The following VPS13C variants were observed in gnomAD, a reference collection of about 807,000 sequenced individuals.
VPS13C encodes vacuolar protein sorting 13 homolog C.
In VPS13C, 358 loss-of-function variants were observed where a neutral mutation model predicts 456.8. That is an observed-to-expected ratio of 0.78 (90% CI 0.72 to 0.86). The LOEUF (loss-of-function observed/expected upper bound fraction) is 0.86, where lower values mean the gene tolerates loss of function less well. Among genes scored for constraint, VPS13C ranks in the 40% least tolerant of loss-of-function variants. VPS13C has a pLI of 0.00. For synonymous variants in VPS13C, 1,578 were observed against 1,486.7 expected (o/e 1.06, Z -1.41); for missense variants, 4,818 against 4,385.4 (o/e 1.10, Z -2.79).
At chr15:61,872,866 G>A (rs1596276566) in intron 78 of VPS13C, among the ~76,000 whole-genome samples, 1 of 152,024 alleles carries the variant, frequency 6.6e-6, no homozygotes, top group East Asian at 1.9e-4. Flanking sequence ...AAAAAGTAAT[G>A]AAAGGCAGTT....
chr15:62,033,397 T>TA, intron 5 of VPS13C, 44 bp downstream of exon 5: 1 of 1,310,834 alleles, frequency 7.6e-7, no homozygotes, highest in African/African-American at 1.5e-5. Context: ...TAATTATATC[T>TA]AAAATATAGG....
intron 47 of VPS13C, among the ~76,000 whole-genome samples, chr15:61,937,514 G>A (rs1011652170): frequency 4.0e-5 from 6 of 151,866 alleles, no homozygotes; most frequent in Non-Finnish European, 5.9e-5. Context: ...TCGCTCTGTC[G>A]CCCAGGCTAG....
chr15:62,048,687 C>A (rs1232418114), intron 1 of VPS13C, among the ~76,000 whole-genome samples: 11 of 152,150 alleles, frequency 7.2e-5, no homozygotes, highest in Non-Finnish European at 1.5e-4. Flanking sequence ...ACACTGTCTT[C>A]CACAATGGTT....
chr15:61,884,081 C>T (rs540130711), intron 68 of VPS13C, 47 bp downstream of exon 68: 1 of 1,527,330 alleles, frequency 6.5e-7, no homozygotes, highest in Non-Finnish European at 8.7e-7. Flanking sequence ...CTACCACCAC[C>T]AAGAAAATAC....
In VPS13C at chr15:61,864,644, G is replaced by A. The variant is rs938534346; in HGVS notation, c.10864-1116C>T. On this transcript the variant is annotated intron_variant, in intron 81 of 84. Transcript: ENST00000644861. ...ATTTTTTAAAGTTGCTTGGTACCTAGTCATTCCTTGACAATTGCAAAAAGC... is the reference window on the plus strand; with the variant it reads ...ATTTTTTAAAGTTGCTTGGTACCTAATCATTCCTTGACAATTGCAAAAAGC... 6.1e-6 allele frequency: 6 copies of A among 985,242 alleles called. No homozygotes were observed. The African/African-American group carries it at 8.7e-5, about 14-fold the overall frequency. 61.0% of individuals were successfully genotyped at this position (985,242 alleles called of 1,614,324 possible).
At chr15:61,914,000 T>A (rs1344969496) in intron 61 of VPS13C, among the ~76,000 whole-genome samples, 2 of 152,180 alleles carry the variant, frequency 1.3e-5, no homozygotes, top group African/African-American at 4.8e-5. Context: ...GATAAATAGT[T>A]TACTTCTGGT....
At position 62,014,012 on chromosome 15, in the gene VPS13C, A is replaced by G. The variant is rs750990886; in HGVS notation, c.685-20T>C. ...TGCAGTCTAAAAGAAAAAAGGGAATACCTGTGAAACGTGGTATGGATGTCA... is the reference window on the plus strand; with the variant it reads ...TGCAGTCTAAAAGAAAAAAGGGAATGCCTGTGAAACGTGGTATGGATGTCA... On this transcript the variant is annotated intron_variant, in intron 9 of 84. Coordinates refer to ENST00000644861, the MANE Select transcript of VPS13C (RefSeq NM_020821.3). 4 of 1,596,536 alleles carry G rather than the reference A, an allele frequency of 2.5e-6. No homozygotes were observed. The East Asian group carries it at 8.9e-5, about 36-fold the overall frequency.
At chr15:62,048,023 C>G (rs1368853236) in intron 1 of VPS13C, among the ~76,000 whole-genome samples, 1 of 149,070 alleles carries the variant, frequency 6.7e-6, no homozygotes, top group East Asian at 1.9e-4. Flanking sequence ...ATAGAAAGTT[C>G]TCAAAAAAAC....
chr15:62,044,105 G>T, intron 2 of VPS13C, 107 bp downstream of exon 2: 1 of 701,572 alleles, frequency 1.4e-6, no homozygotes, highest in South Asian at 1.9e-5. Context: ...TCCCTTGAGT[G>T]ATTCCATCAC....
At chr15:61,883,820 T>G (rs1007114176) in intron 68 of VPS13C, among the ~76,000 whole-genome samples, 3 of 152,012 alleles carry the variant, frequency 2.0e-5, no homozygotes, top group Non-Finnish European at 4.4e-5. Flanking sequence ...CTAATCTTTC[T>G]GGAAACAAGT....
chr15:61,881,709 A>C, intron 70 of VPS13C, 38 bp downstream of exon 70: 1 of 1,602,852 alleles, frequency 6.2e-7, no homozygotes, highest in Non-Finnish European at 8.5e-7. Flanking sequence ...AACTTTTATA[A>C]ATAAGGTATA....
chr15:61,891,076 G>A (rs2042636193), intron 66 of VPS13C, among the ~76,000 whole-genome samples: 1 of 152,102 alleles, frequency 6.6e-6, no homozygotes, highest in Non-Finnish European at 1.5e-5. Flanking sequence ...TGTAACCTCA[G>A]ACAAAACCAG....
At chr15:62,044,365 T>C (rs992800131) in intron 1 of VPS13C, 110 bp from the exon 2 acceptor site, 6 of 626,506 alleles carry the variant, frequency 9.6e-6, no homozygotes, top group South Asian at 4.4e-5. Context: ...AAGAATACAA[T>C]GATAAACAAA....
intron 75 of VPS13C, among the ~76,000 whole-genome samples, chr15:61,876,315 TG>T (rs1895422146): frequency 6.6e-6 from 1 of 151,980 alleles, no homozygotes; most frequent in Non-Finnish European, 1.5e-5. Context: ...TGTCCTTGCA[TG>T]GGTGAGTATG....
intron 5 of VPS13C, among the ~76,000 whole-genome samples, chr15:62,032,040 G>A (rs914412428): frequency 2.6e-5 from 4 of 151,746 alleles, no homozygotes; most frequent in African/African-American, 7.2e-5. Flanking sequence ...AATAATATAT[G>A]TAACTTATTA....
At chr15:61,936,576 G>A in intron 48 of VPS13C, 21 bp downstream of exon 48, 3 of 1,508,696 alleles carry the variant, frequency 2.0e-6, no homozygotes, top group Non-Finnish European at 2.7e-6. Flanking sequence ...TCTCCATAAA[G>A]TAAATATCAT....
intron 18 of VPS13C, among the ~76,000 whole-genome samples, chr15:61,988,214 G>A (rs1293210151): frequency 6.6e-6 from 1 of 152,184 alleles, no homozygotes; most frequent in African/African-American, 2.4e-5. Flanking sequence ...AAAATGACTG[G>A]AAAGGGTTAC....
rs2140888322 is a variant in VPS13C, at chr15:61,875,615, T to G, written c.10338+117A>C. 3 of 706,410 alleles carry G rather than the reference T, an allele frequency of 4.2e-6. No individual in the cohort carries two copies. In the East Asian group the frequency reaches 8.4e-5, roughly 20 times the overall value. 43.8% of individuals were successfully genotyped at this position (706,410 alleles called of 1,614,324 possible). On this transcript the variant is annotated intron_variant, in intron 76 of 84. Transcript: ENST00000644861. ...AAAATATAAAATTGATATACTTTTG[T>G]GATTTGAACATTATTCAATTCCAAG...
chr15:61,949,814 AC>A (rs2044726711), intron 41 of VPS13C, among the ~76,000 whole-genome samples: 1 of 152,192 alleles, frequency 6.6e-6, no homozygotes, highest in Non-Finnish European at 1.5e-5. Context: ...ATGTGCAACC[AC>A]AATTTTAACT....
Sources: gnomAD v4.1 joint callset for allele counts (sites outside exome capture counted in the v4.1 genomes callset) on GRCh38, gnomAD v4.1.1 for gene constraint, MANE v1.5 for transcripts, NCBI Gene and HGNC (gene_info 2026-07-23, HGNC 2026-07-21) for gene names.